The following HYAL1 variants were observed in gnomAD, a reference collection of about 807,000 sequenced individuals.
HYAL1 encodes the protein hyaluronidase-1.
HYAL1 carries 21 observed loss-of-function variants against 28.8 expected under a neutral mutation model. The observed-to-expected ratio is 0.73, with a 90% confidence interval of 0.52 to 1.05. The LOEUF (loss-of-function observed/expected upper bound fraction) is 1.05. Ranked by LOEUF, HYAL1 falls within the 50% of genes least tolerant of loss-of-function variation. The pLI is 0.00. For missense variants in HYAL1, 491 were observed against 579.2 expected (o/e 0.85, Z 1.56); for synonymous variants, 200 against 230.1 (o/e 0.87, Z 1.18).
At chr3:50,301,250 A>T (rs1702144097) in intron 2 of HYAL1, among the ~76,000 whole-genome samples, 173 bp from the exon 3 acceptor site, 1 of 152,206 alleles carries the variant, frequency 6.6e-6, no homozygotes, top group Admixed American at 6.5e-5. Flanking sequence ...GCAGACAGGG[A>T]CTACATCATT....
At chr3:50,306,730 A>T (rs587749908), upstream of HYAL1, among the ~76,000 whole-genome samples, 9 of 151,174 alleles carry the variant, frequency 6.0e-5, no homozygotes, top group South Asian at 2.1e-4. Context: ...TACTAAAAAT[A>T]CAAAAATTAG....
chr3:50,308,132 T>C (rs1163986155), upstream of HYAL1, among the ~76,000 whole-genome samples: 6 of 150,724 alleles, frequency 4.0e-5, no homozygotes, highest in African/African-American at 1.5e-4. Context: ...AGTTGTCGTA[T>C]ACTTTTTTCT....
upstream of HYAL1, among the ~76,000 whole-genome samples, chr3:50,307,830 C>T (rs1702365780): frequency 6.9e-6 from 1 of 145,254 alleles, no homozygotes; most frequent in African/African-American, 2.6e-5. Flanking sequence ...GAGTCTCGCT[C>T]TATCACCCAG....
Position 50,300,262 on chromosome 3 carries a change from A to G in HYAL1, c.*221T>C, listed in dbSNP as rs192692460. 2.2e-3 allele frequency: 1,332 copies of G among 603,052 alleles called. 16 individuals carry two copies. Among genetic ancestry groups the G allele is most frequent in the African/African-American group, 0.021 (1,144 of 55,128 alleles). 37.4% of individuals were successfully genotyped at this position (603,052 alleles called of 1,614,324 possible). A position where few individuals can be genotyped will look rare whatever the true frequency, so the allele number is the denominator to read the frequency against. On this transcript the variant is annotated 3_prime_UTR_variant, in exon 4 of 4. Coordinates refer to ENST00000395144, the MANE Select transcript of HYAL1 (RefSeq NM_033159.4). ...CTATGACCTTGCCAAGTAGATGCAT[A>G]TGGACATGGAATGAATGGTGTCTGC... is the stretch of plus-strand genomic sequence containing the variant.
At chr3:50,312,094 C>T (rs868915100) in intron 1 of HYAL1, among the ~76,000 whole-genome samples, 8 of 139,894 alleles carry the variant, frequency 5.7e-5, no homozygotes, top group South Asian at 4.6e-4. Flanking sequence ...CCCTCCCGGA[C>T]GGGGCGGCTG....
At chr3:50,311,819 G>A (rs1192550882) in intron 1 of HYAL1, among the ~76,000 whole-genome samples, 3 of 145,440 alleles carry the variant, frequency 2.1e-5, no homozygotes, top group African/African-American at 7.7e-5. Flanking sequence ...CTCACCTCCC[G>A]GATGGGGCGG....
upstream of HYAL1, among the ~76,000 whole-genome samples, chr3:50,304,333 A>G (rs1702293430): frequency 9.0e-6 from 1 of 110,574 alleles, no homozygotes; most frequent in Non-Finnish European, 1.9e-5. Context: ...ATATATATAT[A>G]TATATGGCTA....
rs1553713249 is a variant in HYAL1 at position 50,302,521 on chromosome 3, T to C, written c.436A>G (p.Ile146Val). ...RWAFNWDTKD[I>V]YRQRSRALVQ... ...AGTGCCCGTGAGCGCTGCCGGTAAA[T>C]GTCCTTGGTGTCCCAGTTGAAGGCC... The change falls in exon 2 of 4, where the codon ATT becomes GTT. Residue 146 changes from isoleucine to valine, a missense_variant. By Grantham distance (29) the Ile-to-Val change is conservative. Transcript: ENST00000395144. The surrounding 1 kb of genome is among the most constrained non-coding windows in gnomAD (Gnocchi z 5.0). 1 of 1,613,976 alleles carries C rather than the reference T, an allele frequency of 6.2e-7. No individual in the cohort carries two copies. Among genetic ancestry groups the C allele is most frequent in the Non-Finnish European group, 8.5e-7 (1 of 1,180,020 alleles).
intron 2 of HYAL1, among the ~76,000 whole-genome samples, chr3:50,308,776 G>C (rs1456814921): frequency 7.2e-6 from 1 of 137,964 alleles, no homozygotes; most frequent in African/African-American, 2.8e-5. Flanking sequence ...TGTCACCCAG[G>C]CTGGAGTGCA....
At chr3:50,312,072 ACCCCC>A (rs1269610258) in intron 1 of HYAL1, among the ~76,000 whole-genome samples, 5 of 95,300 alleles carry the variant, frequency 5.2e-5, no homozygotes, top group African/African-American at 1.9e-4. Flanking sequence ...CGGGGGGCTG[ACCCCC>A]CCACCTCCCT....
In HYAL1 at chr3:50,302,030, A is replaced by C; in HGVS notation, c.900+27T>G. ...CTAATATCTGACAAGGCAGGTTGACAAGGTGGGCAGGTTACAGAAGACTCA... is the reference window on the plus strand; with the variant it reads ...CTAATATCTGACAAGGCAGGTTGACCAGGTGGGCAGGTTACAGAAGACTCA... On this transcript the variant is annotated intron_variant, in intron 2 of 3. Transcript: ENST00000395144. This position sits in a 1 kb window ranked among gnomAD's most constrained non-coding sequence, Gnocchi z 5.0. 1 of 1,612,866 alleles carries C rather than the reference A, an allele frequency of 6.2e-7. No individual in the cohort carries two copies. Among genetic ancestry groups the C allele is most frequent in the Non-Finnish European group, 8.5e-7 (1 of 1,178,846 alleles).
At chr3:50,311,904 C>G (rs1485575770) in intron 1 of HYAL1, among the ~76,000 whole-genome samples, 19 of 147,814 alleles carry the variant, frequency 1.3e-4, no homozygotes, top group Admixed American at 2.7e-4. Flanking sequence ...GCTGATCCCC[C>G]CTCCCCTCAC....
In HYAL1 at chr3:50,302,854, CGGT is replaced by C. The variant is rs1559820924; in HGVS notation, c.100_102del (p.Thr34del). On this transcript the variant is annotated inframe_deletion, in exon 2 of 4. Transcript: ENST00000395144. The surrounding 1 kb of genome is among the most constrained non-coding windows in gnomAD (Gnocchi z 5.0). ...CACCACTGGGTGTTTGCATTCCAGA[CGGT>C]GGTGAAGGGCCGGTTGGGTAGCAAG... is the stretch of plus-strand genomic sequence containing the variant. 6.2e-7 allele frequency: 1 copy of C among 1,613,914 alleles called. No homozygotes were observed. The highest frequency in any genetic ancestry group is 1.7e-5 in the Admixed American group (1 of 60,026).
intron 1 of HYAL1, among the ~76,000 whole-genome samples, chr3:50,311,141 C>T (rs1256944128): frequency 1.3e-5 from 2 of 151,760 alleles, no homozygotes; most frequent in African/African-American, 2.4e-5. Flanking sequence ...GGGTGGTGGC[C>T]GGGCAGAGGG....
In HYAL1 at chr3:50,300,397, G is replaced by A. The variant is rs1375008054; in HGVS notation, c.*86C>T. 10 of 1,325,272 alleles carry A rather than the reference G, an allele frequency of 7.5e-6. No homozygotes were observed. The highest frequency in any genetic ancestry group is 6.9e-5 in the East Asian group (3 of 43,584). The allele number at this position is 1,325,272 out of a possible 1,614,324, so 82.1% of individuals were successfully genotyped here. On this transcript the variant is annotated 3_prime_UTR_variant, in exon 4 of 4. Coordinates refer to ENST00000395144, the MANE Select transcript of HYAL1 (RefSeq NM_033159.4). ...GTACTCTTTACTGTGACCATGACTTGTATGACTGTGCATGTATTTGAGGAA... is the reference window on the plus strand; with the variant it reads ...GTACTCTTTACTGTGACCATGACTTATATGACTGTGCATGTATTTGAGGAA...
intron 1 of HYAL1, among the ~76,000 whole-genome samples, chr3:50,310,270 T>G (rs1180886893): frequency 2.7e-5 from 4 of 149,298 alleles, no homozygotes; most frequent in East Asian, 1.9e-4. Context: ...TGTGTGTTTT[T>G]TTTTTTTTTT....
In HYAL1 at chr3:50,299,931, C is replaced by A; in HGVS notation, c.*552G>T. On this transcript the variant is annotated 3_prime_UTR_variant, in exon 4 of 4. Transcript: ENST00000395144. ...CTTTATTTGCTGGACTGGTGCCTCT[C>A]AGCAGATTCAGGGGTCGTGCAGGGC... 1 of 185,832 alleles carries A rather than the reference C, an allele frequency of 5.4e-6. No individual in the cohort carries two copies. Among genetic ancestry groups the A allele is most frequent in the South Asian group, 9.5e-5 (1 of 10,514 alleles). The allele number at this position is 185,832 out of a possible 1,614,324, so 11.5% of individuals were successfully genotyped here.
At chr3:50,310,054 G>A (rs1293492393) in intron 1 of HYAL1, among the ~76,000 whole-genome samples, 1 of 151,388 alleles carries the variant, frequency 6.6e-6, no homozygotes, top group Non-Finnish European at 1.5e-5. Flanking sequence ...GGAAATTGGA[G>A]AGAGAATAAA....
At chr3:50,312,079 C>T (rs1408665415) in intron 1 of HYAL1, among the ~76,000 whole-genome samples, 1 of 140,056 alleles carries the variant, frequency 7.1e-6, no homozygotes, top group African/African-American at 2.7e-5. Flanking sequence ...CTGACCCCCC[C>T]ACCTCCCTCC....
Sources: allele counts gnomAD v4.1 joint callset (sites outside exome capture counted in the v4.1 genomes callset), GRCh38; gene constraint gnomAD v4.1.1; non-coding constraint Gnocchi (gnomAD v3.1); transcripts MANE v1.5; gene names NCBI Gene and HGNC (gene_info 2026-07-23, HGNC 2026-07-21).